Variants in NSUN6 observed in about 807,000 individuals in gnomAD.
NSUN6 encodes NOP2/Sun RNA methyltransferase 6.
NSUN6 carries 64 observed loss-of-function variants against 58.0 expected under a neutral mutation model. The ratio of observed to expected loss-of-function variants is 1.10; its 90% CI spans 0.90 to 1.36. The LOEUF (loss-of-function observed/expected upper bound fraction) is 1.36, where lower values mean the gene tolerates loss of function less well. NSUN6 is among the 40% of genes most tolerant of loss of function. The probability of loss-of-function intolerance (pLI) is 0.00; values close to 1 mark genes in which losing one functional copy is unlikely to be tolerated. For synonymous variants in NSUN6, 231 were observed against 193.9 expected, an observed-to-expected ratio of 1.19 and a Z score of -1.59; for missense variants, 701 against 550.1, an observed-to-expected ratio of 1.27 and a Z score of -2.74.
At chr10:18,609,573 T>G (rs1381055937) in intron 6 of NSUN6, among the ~76,000 whole-genome samples, 1 of 152,168 alleles carries the variant, frequency 6.6e-6, no homozygotes, top group Non-Finnish European at 1.5e-5. Flanking sequence ...ATTCAGGGAT[T>G]AGTATTTTGA....
In NSUN6 at chr10:18,570,682, T is replaced by C. The variant is rs117154761; in HGVS notation, c.922+15267A>G. Among the ~76,000 whole-genome samples the C allele has an allele frequency of 5.8e-4, 87 of 150,988 alleles. 1 individual carries two copies. The East Asian group carries it at 0.016, about 27-fold the overall frequency. ...CCATTCCATTCTATTCTCCATTCCA[T>C]TTCATGCTCCATTCCATTCCATTCT... On this transcript the variant is annotated intron_variant, in intron 8 of 10. Transcript: ENST00000377304.
intron 7 of NSUN6, among the ~76,000 whole-genome samples, chr10:18,587,269 A>G (rs1351488810): frequency 6.6e-6 from 1 of 152,154 alleles, no homozygotes; most frequent in Non-Finnish European, 1.5e-5. Flanking sequence ...AAGTGCTTTG[A>G]GATGCAAATG....
intron 8 of NSUN6, 141 bp downstream of exon 8, chr10:18,585,808 A>G (rs948320229): frequency 1.9e-5 from 12 of 627,186 alleles, no homozygotes; most frequent in Non-Finnish European, 2.9e-5. Context: ...CCACAAGGAT[A>G]AGTACAGTGA....
At chr10:18,570,883 A>C (rs908322522) in intron 8 of NSUN6, among the ~76,000 whole-genome samples, 2 of 149,578 alleles carry the variant, frequency 1.3e-5, no homozygotes, top group Non-Finnish European at 3.0e-5. Context: ...ATTCCATAGC[A>C]TTCTCCATTC....
intron 6 of NSUN6, among the ~76,000 whole-genome samples, chr10:18,604,971 C>T (rs1251751220): frequency 2.7e-5 from 4 of 150,742 alleles, no homozygotes; most frequent in East Asian, 2.0e-4. Flanking sequence ...CTGCAAACTC[C>T]GCCTCCCGGG....
chr10:18,550,692 T>C (rs756902991), intron 9 of NSUN6, among the ~76,000 whole-genome samples: 1 of 151,872 alleles, frequency 6.6e-6, no homozygotes, highest in African/African-American at 2.4e-5. Flanking sequence ...TTGCTCCCTA[T>C]TGGGCCTTCT....
intron 10 of NSUN6, among the ~76,000 whole-genome samples, chr10:18,547,789 G>C (rs1380012207): frequency 2.4e-5 from 2 of 81,894 alleles, no homozygotes; most frequent in African/African-American, 7.9e-5. Context: ...GAAAAATACA[G>C]GACTGGGAAG....
intron 3 of NSUN6, among the ~76,000 whole-genome samples, chr10:18,633,805 A>C (rs2059120417): frequency 6.6e-6 from 1 of 152,200 alleles, no homozygotes; most frequent in South Asian, 2.1e-4. Context: ...GAAAAGAAAT[A>C]CCAACCAACT....
chr10:18,548,685 C>A (rs1352752585), intron 9 of NSUN6, among the ~76,000 whole-genome samples: 2 of 152,184 alleles, frequency 1.3e-5, no homozygotes, highest in African/African-American at 2.4e-5. Context: ...GCAGTCCTCC[C>A]ACCTTGGCCT....
At chr10:18,617,029 T>C (rs542308038) in intron 3 of NSUN6, among the ~76,000 whole-genome samples, 6 of 152,248 alleles carry the variant, frequency 3.9e-5, no homozygotes, top group Admixed American at 1.3e-4. Context: ...AACATTCTCA[T>C]TGCTCATTCT....
intron 3 of NSUN6, among the ~76,000 whole-genome samples, chr10:18,636,985 G>A (rs1345322806): frequency 6.9e-6 from 1 of 143,912 alleles, no homozygotes; most frequent in Non-Finnish European, 1.5e-5. Flanking sequence ...TTTTTGAGAT[G>A]GAGTTTCAGT....
At chr10:18,631,350 G>C (rs1483847637) in intron 3 of NSUN6, among the ~76,000 whole-genome samples, 1 of 145,000 alleles carries the variant, frequency 6.9e-6, no homozygotes, top group Non-Finnish European at 1.5e-5. Flanking sequence ...GCACAAGACA[G>C]GGATGCCCTC....
chr10:18,633,889 A>C (rs1445274425), intron 3 of NSUN6, among the ~76,000 whole-genome samples: 1 of 152,306 alleles, frequency 6.6e-6, no homozygotes, highest in East Asian at 1.9e-4. Context: ...CCTGGAAAAA[A>C]GGTATGAGCT....
At chr10:18,567,638 CTCCAT>C (rs931307026) in intron 8 of NSUN6, among the ~76,000 whole-genome samples, 7 of 150,716 alleles carry the variant, frequency 4.6e-5, no homozygotes, top group East Asian at 3.9e-4. Context: ...CTATTCCATT[CTCCAT>C]TCCATTCCAT....
chr10:18,621,237 G>T (rs1173744104), intron 3 of NSUN6, among the ~76,000 whole-genome samples: 2 of 152,178 alleles, frequency 1.3e-5, no homozygotes, highest in African/African-American at 4.8e-5. Flanking sequence ...TGTGGTCACA[G>T]CTCAGCACTG....
intron 7 of NSUN6, among the ~76,000 whole-genome samples, chr10:18,595,186 C>A (rs1422959367): frequency 6.6e-6 from 1 of 152,172 alleles, no homozygotes; most frequent in Admixed American, 6.5e-5. Flanking sequence ...CATGAGTGAG[C>A]CCAGCAGGGA....
chr10:18,574,271 G>A (rs1408647294), intron 8 of NSUN6, among the ~76,000 whole-genome samples: 10 of 151,982 alleles, frequency 6.6e-5, no homozygotes, highest in Non-Finnish European at 8.8e-5. Flanking sequence ...GAGCAAGCAC[G>A]CCTCACCAAG....
intron 7 of NSUN6, among the ~76,000 whole-genome samples, chr10:18,591,693 T>A (rs1387837792): frequency 1.3e-5 from 2 of 152,148 alleles, no homozygotes; most frequent in Non-Finnish European, 2.9e-5. Flanking sequence ...AAACTCTCAA[T>A]AAACTAGGTA....
intron 8 of NSUN6, among the ~76,000 whole-genome samples, chr10:18,553,872 G>C (rs1564704972): frequency 6.7e-6 from 1 of 150,246 alleles, no homozygotes; most frequent in Non-Finnish European, 1.5e-5. Context: ...AATGAAGATT[G>C]AACTGGAATG....
Sources: gnomAD v4.1 joint callset for allele counts (sites outside exome capture counted in the v4.1 genomes callset) on GRCh38, gnomAD v4.1.1 for gene constraint, MANE v1.5 for transcripts, NCBI Gene and HGNC (gene_info 2026-07-23, HGNC 2026-07-21) for gene names.